The following PSG4 variants were observed in gnomAD, a reference collection of about 807,000 sequenced individuals.
PSG4 encodes pregnancy specific beta-1-glycoprotein 4.
A neutral mutation model predicts 44.3 loss-of-function variants in PSG4; 61 were observed. That is an observed-to-expected ratio of 1.38 (90% CI 1.12 to 1.70). The LOEUF (loss-of-function observed/expected upper bound fraction) is 1.70, where lower values mean the gene tolerates loss of function less well. Among genes scored for constraint, PSG4 ranks in the 40% most tolerant of loss-of-function variants. The probability of loss-of-function intolerance (pLI) is 0.00; values close to 1 mark genes in which losing one functional copy is unlikely to be tolerated. For synonymous variants in PSG4, 248 were observed against 191.3 expected (o/e 1.30, Z -2.45); for missense variants, 677 against 511.7 (o/e 1.32, Z -3.12).
At chr19:43,195,559 C>T (rs1967207623) in intron 3 of PSG4, among the ~76,000 whole-genome samples, 1 of 151,370 alleles carries the variant, frequency 6.6e-6, no homozygotes, top group South Asian at 2.1e-4. Context: ...CCTTGTACCC[C>T]TCCCAGTCCC....
At chr19:43,201,729 A>T (rs1453453223) in intron 2 of PSG4, among the ~76,000 whole-genome samples, 2 of 145,556 alleles carry the variant, frequency 1.4e-5, no homozygotes, top group Non-Finnish European at 3.0e-5. Context: ...GGGGAGGCTG[A>T]TTTGAGTACT....
Position 43,193,664 on chromosome 19 carries a change from T to A in PSG4, c.1244-276A>T, listed in dbSNP as rs1457161227. ...CTAAGTTTTTATAAGGACTCTCAGATTAAACTTTTACAAAACCCTTGAGAA... is the reference window on the plus strand; with the variant it reads ...CTAAGTTTTTATAAGGACTCTCAGAATAAACTTTTACAAAACCCTTGAGAA... On this transcript the variant is annotated intron_variant, in intron 5 of 5. Coordinates refer to ENST00000405312, the MANE Select transcript of PSG4 (RefSeq NM_002780.5). 8 of 559,756 alleles carry A rather than the reference T, an allele frequency of 1.4e-5. No individual in the cohort carries two copies. In the South Asian group the frequency reaches 1.6e-4, roughly 11 times the overall value. The allele number at this position is 559,756 out of a possible 1,614,324, so 34.7% of individuals were successfully genotyped here.
rs181107487 is a variant in PSG4, at chr19:43,202,832, T to A, written c.430+1054A>T. Among the ~76,000 whole-genome samples, 205 of 144,684 alleles carry A rather than the reference T, an allele frequency of 1.4e-3. 26 individuals are homozygous for A. Among genetic ancestry groups the A allele is most frequent in the East Asian group, 0.011 (45 of 4,154 alleles). The allele number at this position is 144,684 out of a possible 152,430, so 94.9% of individuals were successfully genotyped here. Reference sequence around the variant, plus strand: ...TTTGGATGCCTAAAAAGAGAGGATTTGAGCCAATAAATGACTATGGGGTGC... The same window carrying A: ...TTTGGATGCCTAAAAAGAGAGGATTAGAGCCAATAAATGACTATGGGGTGC... On this transcript the variant is annotated intron_variant, in intron 2 of 5. Coordinates refer to ENST00000405312, the MANE Select transcript of PSG4 (RefSeq NM_002780.5).
In PSG4 at chr19:43,195,153, C is replaced by G. The variant is rs749762735; in HGVS notation, c.830G>C (p.Gly277Ala). 4 of 1,610,312 alleles carry G rather than the reference C, an allele frequency of 2.5e-6. No individual in the cohort carries two copies. The highest frequency in any genetic ancestry group is 3.4e-6 in the Non-Finnish European group (4 of 1,179,008). The change falls in exon 4 of 6, where the codon GGT (glycine) becomes GCT (alanine). Residue 277 changes from glycine to alanine, a missense_variant. By Grantham distance (60) the Gly-to-Ala change is moderately conservative. Coordinates refer to ENST00000405312, the MANE Select transcript of PSG4 (RefSeq NM_002780.5). ...CCTGGGACTGACAGGGAGGCTCTGA[C>G]CATTTAGCCACCAAATGTAGGTGTA... ...KNYTYIWWLN[G>A]QSLPVSPRVK...
At position 43,195,784 on chromosome 19, in the gene PSG4, T is replaced by G. The variant is rs1382652494; in HGVS notation, c.710-511A>C. Among the ~76,000 whole-genome samples, 6 of 150,534 alleles carry G rather than the reference T, an allele frequency of 4.0e-5. No homozygotes were observed. In the Admixed American group the frequency reaches 4.0e-4, roughly 10 times the overall value. On this transcript the variant is annotated intron_variant, in intron 3 of 5. Coordinates refer to ENST00000405312, the MANE Select transcript of PSG4 (RefSeq NM_002780.5). Reference sequence around the variant, plus strand: ...GCAGTCTGGCCTGGGACTGGATGTTTCAGCAGAAATAACACAGGAGAGACC... The same window carrying G: ...GCAGTCTGGCCTGGGACTGGATGTTGCAGCAGAAATAACACAGGAGAGACC...
Position 43,193,615 on chromosome 19 carries a change from C to T in PSG4, c.1244-227G>A, listed in dbSNP as rs73548057. On this transcript the variant is annotated intron_variant, in intron 5 of 5. Coordinates refer to ENST00000405312, the MANE Select transcript of PSG4 (RefSeq NM_002780.5). ...CAAGAGTAGCAATAGACCATGTAGG[C>T]GCTCTTTTAGAATTTTATTTGCTCT... The T allele has an allele frequency of 6.4e-4, 373 of 581,188 alleles. 15 individuals carry two copies. The highest frequency in any genetic ancestry group is 5.8e-3 in the African/African-American group (311 of 53,228). The allele number at this position is 581,188 out of a possible 1,614,324, so 36.0% of individuals were successfully genotyped here. A position where few individuals can be genotyped will look rare whatever the true frequency, so the allele number is the denominator to read the frequency against.
chr19:43,204,105 G>C lies in PSG4; in HGVS notation c.211C>G (p.Gln71Glu). 6.3e-7 allele frequency: 1 copy of C among 1,586,828 alleles called. No individual in the cohort carries two copies. The highest frequency in any genetic ancestry group is 1.1e-5 in the South Asian group (1 of 89,908). ...ATGTAATGGTAGAGGTATGTCATTT[G>C]CCCTTTGTACCAAATGTAGCCAGCA... ...NLAGYIWYKG[Q>E]MTYLYHYITS... The change falls in exon 2 of 6, where the codon CAA (glutamine) becomes GAA (glutamate). Residue 71 changes from glutamine (Q) to glutamate (E), a missense_variant. Physicochemically the swap from Gln to Glu is conservative, Grantham distance 29. Coordinates refer to ENST00000405312, the MANE Select transcript of PSG4 (RefSeq NM_002780.5).
rs546236237 is a variant in PSG4 at position 43,198,261 on chromosome 19, G to A, written c.445C>T (p.Pro149Ser). Reference protein sequence around the residue: ...TFTLHLETPKPSISSSNLNPR... With the variant: ...TFTLHLETPKSSISSSNLNPR... ...TTTAAGTTGCTGCTGGAGATGGAGG[G>A]CTTGGGAGTCTCCACTGTGCAGAAA... Residue 149 changes from proline to serine, a missense_variant, in exon 3 of 6, where the codon CCC becomes TCC. Coordinates refer to ENST00000405312, the MANE Select transcript of PSG4 (RefSeq NM_002780.5). The A allele has an allele frequency of 1.9e-4, 303 of 1,586,554 alleles. 21 individuals are homozygous for A. In the South Asian group the frequency reaches 3.1e-3, roughly 16 times the overall value.
chr19:43,194,758 T>A, intron 4 of PSG4, 164 bp from the exon 5 acceptor site: 2 of 1,421,670 alleles, frequency 1.4e-6, no homozygotes, highest in South Asian at 2.8e-5. Flanking sequence ...TTCACCTGTT[T>A]CTCCCATCAC....
intron 3 of PSG4, chr19:43,197,755 C>G: frequency 1.1e-6 from 1 of 893,248 alleles, no homozygotes; most frequent in Non-Finnish European, 1.6e-6. Context: ...AGACCTTCAC[C>G]TGTTTCTCCC....
intron 1 of PSG4, 90 bp from the exon 2 acceptor site, chr19:43,204,341 C>T (rs565032980): frequency 2.2e-6 from 3 of 1,386,708 alleles, no homozygotes; most frequent in Non-Finnish European, 2.9e-6. Context: ...AATCCTCAGC[C>T]TTGAAGACAC....
intron 2 of PSG4, chr19:43,203,027 G>C (rs1468405910): frequency 6.9e-6 from 1 of 145,778 alleles, no homozygotes; most frequent in Admixed American, 6.8e-5. Flanking sequence ...ATGGCAAATG[G>C]ACTGTGGCTT....
Position 43,193,355 on chromosome 19 carries a change from G to T in PSG4, c.*17C>A, listed in dbSNP as rs770929074. 2.6e-6 allele frequency: 2 copies of T among 775,196 alleles called. No homozygotes were observed. The highest frequency in any genetic ancestry group is 4.8e-5 in the East Asian group (2 of 41,244). 48.0% of individuals were successfully genotyped at this position (775,196 alleles called of 1,614,324 possible). A position where few individuals can be genotyped will look rare whatever the true frequency, so the allele number is the denominator to read the frequency against. On this transcript the variant is annotated 3_prime_UTR_variant, in exon 6 of 6. Transcript: ENST00000405312. ...TGATTCCATGGGAGAAAATGGAATT[G>T]GAGGAACTAGTAGAATTCAGGGTAA... is the stretch of plus-strand genomic sequence containing the variant.
At position 43,205,290 on chromosome 19, in the gene PSG4, G is replaced by T. The variant is rs1306941442; in HGVS notation, c.64+183C>A. On this transcript the variant is annotated intron_variant, in intron 1 of 5. Coordinates refer to ENST00000405312, the MANE Select transcript of PSG4 (RefSeq NM_002780.5). ...ACCTGGTTAATTTTTTGTGTTTTTA[G>T]TAGAGACAGGGCTTCACAGTGTTGG... Among the ~76,000 whole-genome samples, 7 of 142,404 alleles carry T rather than the reference G, an allele frequency of 4.9e-5. 1 individual carries two copies. Among genetic ancestry groups the T allele is most frequent in the African/African-American group, 1.9e-4 (7 of 36,454 alleles). 93.4% of individuals were successfully genotyped at this position (142,404 alleles called of 152,430 possible).
chr19:43,204,589 T>C, intron 1 of PSG4: 1 of 282,798 alleles, frequency 3.5e-6, no homozygotes, highest in South Asian at 4.8e-5. Context: ...GATACCTCCT[T>C]CAGAGACCCT....
At position 43,194,585 on chromosome 19, in the gene PSG4, T is replaced by C. The variant is rs759974169; in HGVS notation, c.998A>G (p.Asp333Gly). The C allele has an allele frequency of 6.2e-7, 1 of 1,609,288 alleles. No homozygotes were observed. The highest frequency in any genetic ancestry group is 1.7e-5 in the Admixed American group (1 of 59,682). The change falls in exon 5 of 6, where the codon GAC becomes GGC. Residue 333 changes from aspartate (D) to glycine (G), a missense_variant. Physicochemically the swap from Asp to Gly is moderately conservative, Grantham distance 94. Transcript: ENST00000405312. Reference protein sequence around the residue: ...PVTLNVLYGPDLPSIYPSFTY... With the variant: ...PVTLNVLYGPGLPSIYPSFTY... ...GAATGAAGGGTAAATGCTGGGGAGG[T>C]CTGGACCATCTGGCGCAAAGAGAAT...
At position 43,194,502 on chromosome 19, in the gene PSG4, G is replaced by C. The variant is rs749563398; in HGVS notation, c.1081C>G (p.Arg361Gly). Residue 361 changes from arginine (R) to glycine (G), a missense_variant, in exon 5 of 6, where the codon CGG (arginine) becomes GGG (glycine). Transcript: ENST00000405312. Reference protein sequence around the residue: ...YLSCFAESNPRAQYSWTINGK... With the variant: ...YLSCFAESNPGAQYSWTINGK... ...TTAATTGTCCAAGAATATTGTGCCC[G>C]TGGGTTAGACTCGGCGAAGCAGGAC... The C allele has an allele frequency of 5.0e-6, 8 of 1,612,548 alleles. No individual in the cohort carries two copies. In the South Asian group the frequency reaches 8.8e-5, roughly 18 times the overall value.
chr19:43,194,173 G>C, intron 5 of PSG4, 167 bp downstream of exon 5: 3 of 1,525,482 alleles, frequency 2.0e-6, no homozygotes, highest in Non-Finnish European at 2.6e-6. Context: ...GTTTGTTAAA[G>C]TTTTGGAAGT....
intron 2 of PSG4, chr19:43,198,550 C>G (rs1599773226): frequency 7.8e-6 from 4 of 510,466 alleles, no homozygotes; most frequent in Non-Finnish European, 1.2e-5. Flanking sequence ...AGTCACAGAC[C>G]CGATGCCTCT....
Sources: allele counts gnomAD v4.1 joint callset (sites outside exome capture counted in the v4.1 genomes callset), GRCh38; gene constraint gnomAD v4.1.1; transcripts MANE v1.5; gene names NCBI Gene and HGNC (gene_info 2026-07-23, HGNC 2026-07-21).